The following PTPRT variants were observed in gnomAD, a reference collection of about 807,000 sequenced individuals.
PTPRT encodes receptor-type tyrosine-protein phosphatase T.
PTPRT carries 56 observed loss-of-function variants against 176.8 expected under a neutral mutation model. The observed-to-expected ratio is 0.32, with a 90% CI of 0.26 to 0.40. The LOEUF is 0.40. Ranked by LOEUF, PTPRT falls within the 10% of genes least tolerant of loss-of-function variation. The pLI is 1.00. For missense variants in PTPRT, 1,540 were observed against 1,908.2 expected (o/e 0.81, Z 3.60); for synonymous variants, 783 against 739.0 (o/e 1.06, Z -0.96).
At chr20:42,604,613 T>C (rs2073840225) in intron 7 of PTPRT, among the ~76,000 whole-genome samples, 2 of 152,268 alleles carry the variant, frequency 1.3e-5, no homozygotes, top group African/African-American at 4.8e-5. Flanking sequence ...CTCATTTTCA[T>C]ATTCTTCTCA....
At chr20:42,746,601 T>C (rs2076694111) in intron 6 of PTPRT, among the ~76,000 whole-genome samples, 1 of 150,420 alleles carries the variant, frequency 6.6e-6, no homozygotes, top group African/African-American at 2.5e-5. Flanking sequence ...TTGCTATCTA[T>C]GTGTTCTTGA....
intron 6 of PTPRT, among the ~76,000 whole-genome samples, chr20:42,683,873 T>A (rs569754534): frequency 6.6e-6 from 1 of 152,148 alleles, no homozygotes; most frequent in Non-Finnish European, 1.5e-5. Flanking sequence ...AAGATTCAAG[T>A]CATAAAAGTC....
the PTPRT span, among the ~76,000 whole-genome samples, chr20:42,058,244 G>T: frequency 6.6e-6 from 1 of 152,130 alleles, no homozygotes; most frequent in Non-Finnish European, 1.5e-5. Flanking sequence ...CTCTTCATCT[G>T]CAGGTATTTT....
At chr20:42,477,943 G>A (rs920314065) in intron 7 of PTPRT, among the ~76,000 whole-genome samples, 2 of 152,174 alleles carry the variant, frequency 1.3e-5, no homozygotes, top group Admixed American at 1.3e-4. Context: ...GCAAGGGATC[G>A]GGGGCCAATG....
At chr20:42,666,368 A>G (rs957178191) in intron 7 of PTPRT, among the ~76,000 whole-genome samples, 1 of 150,432 alleles carries the variant, frequency 6.6e-6, no homozygotes, top group Non-Finnish European at 1.5e-5. Flanking sequence ...TCATTCATGC[A>G]TCAAAAAAAA....
At chr20:42,386,822 T>A (rs2058749507) in intron 9 of PTPRT, among the ~76,000 whole-genome samples, 1 of 152,152 alleles carries the variant, frequency 6.6e-6, no homozygotes. Flanking sequence ...ATTGTGCCAC[T>A]GCATTCCAGC....
At chr20:42,302,872 A>G (rs1477946228) in intron 12 of PTPRT, among the ~76,000 whole-genome samples, 2 of 152,176 alleles carry the variant, frequency 1.3e-5, no homozygotes, top group Admixed American at 6.5e-5. Context: ...CATGGCTCTG[A>G]TCTTGAGCAA....
chr20:42,592,480 A>T (rs1036707188), intron 7 of PTPRT, among the ~76,000 whole-genome samples: 5 of 152,200 alleles, frequency 3.3e-5, no homozygotes, highest in African/African-American at 1.2e-4. Flanking sequence ...ACTGGGCCAT[A>T]GGCCCCACTC....
intron 15 of PTPRT, among the ~76,000 whole-genome samples, chr20:42,232,208 T>C (rs1015700044): frequency 2.0e-5 from 3 of 152,152 alleles, no homozygotes; most frequent in African/African-American, 4.8e-5. Flanking sequence ...AAGAGACTGG[T>C]GAGCCAAAGT....
rs1289089118 is a variant in PTPRT, at chr20:42,537,673, C to A, written c.1154-65111G>T. 2.6e-5 allele frequency among the ~76,000 whole-genome samples: 4 copies of A among 152,224 alleles called. No homozygotes were observed. The East Asian group carries it at 5.8e-4, about 22-fold the overall frequency. Reference sequence around the variant, plus strand: ...AGTCTTTACTGAGCACTGTGTATGTCCCAAGCTCCATACTAGGTATTGGGG... The same window carrying A: ...AGTCTTTACTGAGCACTGTGTATGTACCAAGCTCCATACTAGGTATTGGGG... On this transcript the variant is annotated intron_variant, in intron 7 of 30. Coordinates refer to ENST00000373187, the MANE Select transcript of PTPRT (RefSeq NM_007050.6).
intron 7 of PTPRT, among the ~76,000 whole-genome samples, chr20:42,504,211 T>A (rs1256815023): frequency 6.6e-6 from 1 of 152,130 alleles, no homozygotes; most frequent in East Asian, 1.9e-4. Flanking sequence ...TTATTGGTAA[T>A]CCTAATTATG....
chr20:42,549,787 C>A (rs2072736374), intron 7 of PTPRT, among the ~76,000 whole-genome samples: 1 of 152,114 alleles, frequency 6.6e-6, no homozygotes, highest in Admixed American at 6.5e-5. Context: ...GACAACACTG[C>A]CTTATTTCCC....
At chr20:42,730,887 T>C (rs994063610) in intron 6 of PTPRT, among the ~76,000 whole-genome samples, 2 of 152,198 alleles carry the variant, frequency 1.3e-5, no homozygotes, top group African/African-American at 2.4e-5. Context: ...CGGTTGTAAC[T>C]ACATCATGAG....
chr20:42,862,230 T>C (rs757439115), intron 2 of PTPRT, among the ~76,000 whole-genome samples: 3 of 152,216 alleles, frequency 2.0e-5, no homozygotes, highest in Non-Finnish European at 4.4e-5. Flanking sequence ...CAAGGCTACA[T>C]GGTGCACATC....
At chr20:42,220,345 C>T (rs185890576) in intron 15 of PTPRT, among the ~76,000 whole-genome samples, 14 of 152,154 alleles carry the variant, frequency 9.2e-5, no homozygotes, top group African/African-American at 3.1e-4. Context: ...CAAACCCAGT[C>T]GAAACTCAGC....
intron 7 of PTPRT, among the ~76,000 whole-genome samples, chr20:42,490,793 C>A (rs2071548912): frequency 6.6e-6 from 1 of 152,140 alleles, no homozygotes; most frequent in Admixed American, 6.6e-5. Context: ...GCATTTTCTA[C>A]ATTAGGTATA....
At chr20:42,599,492 G>T (rs2073737418) in intron 7 of PTPRT, among the ~76,000 whole-genome samples, 1 of 152,138 alleles carries the variant, frequency 6.6e-6, no homozygotes, top group Admixed American at 6.5e-5. Context: ...AGCCCAGAGA[G>T]ATGGGGTGCA....
At chr20:42,353,185 T>C (rs1286454041) in intron 9 of PTPRT, among the ~76,000 whole-genome samples, 1 of 152,212 alleles carries the variant, frequency 6.6e-6, no homozygotes, top group Admixed American at 6.5e-5. Context: ...ACTGCAGTCA[T>C]AGAACAGTGT....
chr20:42,238,289 AG>A (rs1370594322), intron 14 of PTPRT, among the ~76,000 whole-genome samples: 1 of 152,202 alleles, frequency 6.6e-6, no homozygotes, highest in Non-Finnish European at 1.5e-5. Flanking sequence ...GAAGAAGGAA[AG>A]CCCCATACCT....
Sources: gnomAD v4.1 joint callset for allele counts (sites outside exome capture counted in the v4.1 genomes callset) on GRCh38, gnomAD v4.1.1 for gene constraint, MANE v1.5 for transcripts, NCBI Gene and HGNC (gene_info 2026-07-23, HGNC 2026-07-21) for gene names.